The following TTL variants were observed in gnomAD, a reference collection of about 807,000 sequenced individuals.
TTL encodes tubulin--tyrosine ligase.
A neutral mutation model predicts 41.1 loss-of-function variants in TTL; 10 were observed. The ratio of observed to expected loss-of-function variants is 0.24; its 90% CI spans 0.15 to 0.41. The LOEUF is 0.41. Ranked by LOEUF, TTL falls within the 10% of genes least tolerant of loss-of-function variation. TTL has a pLI of 1.00. For missense variants in TTL, 367 were observed against 460.4 expected (o/e 0.80, Z 1.86); for synonymous variants, 175 against 175.5 (o/e 1.00, Z 0.02).
intron 6 of TTL, chr2:112,521,411 T>C: frequency 1.0e-6 from 1 of 961,172 alleles, no homozygotes; most frequent in Non-Finnish European, 1.2e-6. Flanking sequence ...TCTCTTGTGC[T>C]GAGGGTTCTT....
Position 112,490,421 on chromosome 2 carries a change from TAAAC to T in TTL, c.237-3706_237-3703del, listed in dbSNP as rs568919525. Reference sequence around the variant, plus strand: ...CAACAGAACCAAACCCTGTCTCGGATAAACAAACAAACAAACAAAAAGCAGACCT... The same window carrying T: ...CAACAGAACCAAACCCTGTCTCGGATAAACAAACAAACAAAAAGCAGACCT... On this transcript the variant is annotated intron_variant, in intron 2 of 6. Transcript: ENST00000233336. Among the ~76,000 whole-genome samples the T allele has an allele frequency of 7.3e-4, 111 of 151,992 alleles. 2 individuals carry two copies. The Middle Eastern group carries it at 0.014, about 19-fold the overall frequency.
Position 112,494,192 on chromosome 2 carries a change from G to C in TTL, c.286G>C (p.Glu96Gln), listed in dbSNP as rs1681464756. 1.2e-6 allele frequency: 2 copies of C among 1,614,064 alleles called. No individual in the cohort carries two copies. The highest frequency in any genetic ancestry group is 2.7e-5 in the African/African-American group (2 of 74,924). ...ELAESCTWFP[E>Q]SYVIYPTNLK... ...GGCTGAGTCCTGCACATGGTTCCCT[G>C]AATCTTATGTGATTTATCCAACCAA... Residue 96 changes from glutamate to glutamine, a missense_variant, in exon 3 of 7, where the codon GAA (glutamate) becomes CAA (glutamine). Physicochemically the swap from Glu to Gln is conservative, Grantham distance 29. Transcript: ENST00000233336.
intron 2 of TTL, among the ~76,000 whole-genome samples, chr2:112,492,457 G>A (rs1028621972): frequency 2.0e-5 from 3 of 151,644 alleles, no homozygotes; most frequent in African/African-American, 7.3e-5. Flanking sequence ...TGGGCCGGGC[G>A]CGGTGGCTCA....
intron 4 of TTL, 111 bp from the exon 5 acceptor site, chr2:112,502,801 C>A: frequency 8.2e-7 from 1 of 1,215,648 alleles, no homozygotes; most frequent in Non-Finnish European, 1.1e-6. Context: ...CCCTAGTTGC[C>A]TCCCACTCCT....
In TTL at chr2:112,533,992, T is replaced by C. The variant is rs1040627922; in HGVS notation, c.*5197T>C. 1 of 152,024 alleles carries C rather than the reference T, an allele frequency of 6.6e-6. No homozygotes were observed. Among genetic ancestry groups the C allele is most frequent in the African/African-American group, 2.4e-5 (1 of 41,374 alleles). The allele number at this position is 152,024 out of a possible 1,614,324, so 9.4% of individuals were successfully genotyped here. A position where few individuals can be genotyped will look rare whatever the true frequency, so the allele number is the denominator to read the frequency against. On this transcript the variant is annotated 3_prime_UTR_variant, in exon 7 of 7. Coordinates refer to ENST00000233336, the MANE Select transcript of TTL (RefSeq NM_153712.5). ...AAAACCCTCTCTTCCATAAAAGCAA[T>C]GAGAACACTAGCAAAACTGTCTAGA... is the stretch of plus-strand genomic sequence containing the variant.
chr2:112,511,982 C>CATTCT (rs3057723), intron 5 of TTL, among the ~76,000 whole-genome samples: 34,391 of 151,110 alleles, frequency 0.23, 4,175 homozygotes, highest in African/African-American at 0.31. Flanking sequence ...CTTTTATTTT[C>CATTCT]ATTCTATTCT....
At position 112,528,709 on chromosome 2, in the gene TTL, A is replaced by G. The variant is rs1333920527; in HGVS notation, c.1048A>G (p.Ile350Val). ...QKLYAELCQG[I>V]VDIAISSVFP... ...GCTCTATGCAGAACTGTGCCAAGGC[A>G]TCGTGGACATAGCCATTTCCAGTGT... Residue 350 changes from isoleucine to valine, a missense_variant, in exon 7 of 7, where the codon ATC (isoleucine) becomes GTC (valine). Transcript: ENST00000233336. 2 of 1,613,246 alleles carry G rather than the reference A, an allele frequency of 1.2e-6. No individual in the cohort carries two copies. Among genetic ancestry groups the G allele is most frequent in the Admixed American group, 1.7e-5 (1 of 60,008 alleles).
At chr2:112,520,051 A>G (rs969076120) in intron 5 of TTL, among the ~76,000 whole-genome samples, 1 of 149,738 alleles carries the variant, frequency 6.7e-6, no homozygotes, top group African/African-American at 2.5e-5. Context: ...AATCTCTTGA[A>G]CCCAGGAGGC....
At chr2:112,526,859 A>G (rs1009751810) in intron 6 of TTL, among the ~76,000 whole-genome samples, 1 of 152,026 alleles carries the variant, frequency 6.6e-6, no homozygotes, top group African/African-American at 2.4e-5. Context: ...TTGCTTCTCT[A>G]GTTCTTTTAA....
At chr2:112,518,942 T>G (rs573808662) in intron 5 of TTL, among the ~76,000 whole-genome samples, 118 of 152,216 alleles carry the variant, frequency 7.8e-4, no homozygotes, top group African/African-American at 2.6e-3. Context: ...CCCAAAGTGG[T>G]AGGATTATAG....
rs571253479 is a variant in TTL at position 112,531,736 on chromosome 2, C to T, written c.*2941C>T. On this transcript the variant is annotated 3_prime_UTR_variant, in exon 7 of 7. Coordinates refer to ENST00000233336, the MANE Select transcript of TTL (RefSeq NM_153712.5). ...ACACAAGCATTTCTTTAAGGATGAC[C>T]GGATGTTGCCGTATGTATTTATGGC... 8 of 222,674 alleles carry T rather than the reference C, an allele frequency of 3.6e-5. No homozygotes were observed. The highest frequency in any genetic ancestry group is 2.0e-4 in the East Asian group (3 of 15,208). 13.8% of individuals were successfully genotyped at this position (222,674 alleles called of 1,614,324 possible). A position where few individuals can be genotyped will look rare whatever the true frequency, so the allele number is the denominator to read the frequency against.
chr2:112,524,573 G>T (rs954602673), intron 6 of TTL, among the ~76,000 whole-genome samples: 1 of 152,040 alleles, frequency 6.6e-6, no homozygotes, highest in Non-Finnish European at 1.5e-5. Context: ...TGTGTCTTTT[G>T]GCTGCATAAA....
Position 112,494,212 on chromosome 2 carries a change from A to G in TTL, c.306A>G (p.Pro102=). ...TWFPESYVIY[P]TNLKTPVAPA... ...TCCCTGAATCTTATGTGATTTATCC[A>G]ACCAATCTCAAGACTCCAGTTGCTC... Residue 102 remains proline (P), a synonymous_variant, in exon 3 of 7, where the codon CCA becomes CCG. Transcript: ENST00000233336. The G allele has an allele frequency of 2.5e-6, 4 of 1,614,212 alleles. No homozygotes were observed. Among genetic ancestry groups the G allele is most frequent in the Non-Finnish European group, 3.4e-6 (4 of 1,180,024 alleles).
chr2:112,541,469 T>G lies in TTL; in HGVS notation c.*12674T>G, dbSNP rs1574081075. On this transcript the variant is annotated 3_prime_UTR_variant, in exon 7 of 7. Coordinates refer to ENST00000233336, the MANE Select transcript of TTL (RefSeq NM_153712.5). ...TTCAAGACCAGCCTGTGCAACAGACTCCCGGCTCGAATTTTTTATAAAAAG... is the reference window on the plus strand; with the variant it reads ...TTCAAGACCAGCCTGTGCAACAGACGCCCGGCTCGAATTTTTTATAAAAAG... 6.6e-6 allele frequency: 1 copy of G among 152,066 alleles called. No homozygotes were observed. The highest frequency in any genetic ancestry group is 2.4e-5 in the African/African-American group (1 of 41,388). The allele number at this position is 152,066 out of a possible 1,614,324, so 9.4% of individuals were successfully genotyped here.
intron 3 of TTL, among the ~76,000 whole-genome samples, chr2:112,495,740 G>A (rs553268203): frequency 2.6e-4 from 40 of 152,234 alleles, no homozygotes; most frequent in Admixed American, 2.5e-3. Context: ...CCAGCTACTC[G>A]GGAGGCTGAG....
chr2:112,540,072 T>A lies in TTL; in HGVS notation c.*11277T>A, dbSNP rs1682682526. 1 of 152,162 alleles carries A rather than the reference T, an allele frequency of 6.6e-6. No individual in the cohort carries two copies. The highest frequency in any genetic ancestry group is 1.5e-5 in the Non-Finnish European group (1 of 68,028). The allele number at this position is 152,162 out of a possible 1,614,324, so 9.4% of individuals were successfully genotyped here. A position where few individuals can be genotyped will look rare whatever the true frequency, so the allele number is the denominator to read the frequency against. ...GATTGGGAGATAATTATTGTTAGGA[T>A]GAAAATAGGCCCCAAATTGATCTAC... On this transcript the variant is annotated 3_prime_UTR_variant, in exon 7 of 7. Coordinates refer to ENST00000233336, the MANE Select transcript of TTL (RefSeq NM_153712.5).
chr2:112,509,379 C>G (rs1251705277), intron 5 of TTL, among the ~76,000 whole-genome samples: 1 of 152,178 alleles, frequency 6.6e-6, no homozygotes, highest in Non-Finnish European at 1.5e-5. Flanking sequence ...TTTACCTAAT[C>G]AAGCCTGGGC....
intron 3 of TTL, among the ~76,000 whole-genome samples, chr2:112,499,025 A>T (rs1345365211): frequency 6.7e-6 from 1 of 149,884 alleles, no homozygotes; most frequent in Non-Finnish European, 1.5e-5. Flanking sequence ...AAATAGAAAC[A>T]TAAATCAGTG....
intron 6 of TTL, among the ~76,000 whole-genome samples, chr2:112,524,388 T>G (rs1682322081): frequency 6.6e-6 from 1 of 152,350 alleles, no homozygotes; most frequent in South Asian, 2.1e-4. Context: ...CTGCAATGGT[T>G]GAACTAGTTT....
Sources: gnomAD v4.1 joint callset for allele counts (sites outside exome capture counted in the v4.1 genomes callset) on GRCh38, gnomAD v4.1.1 for gene constraint, MANE v1.5 for transcripts, NCBI Gene and HGNC (gene_info 2026-07-23, HGNC 2026-07-21) for gene names.